LMO7: variants seen among roughly 807,000 people sequenced by gnomAD.
LMO7 encodes LIM domain 7.
Under a neutral mutation model 206.5 loss-of-function variants are expected in LMO7, and 120 were observed. The ratio of observed to expected loss-of-function variants is 0.58; its 90% CI spans 0.50 to 0.68. The LOEUF is 0.68. Ranked by LOEUF, LMO7 falls within the 30% of genes least tolerant of loss-of-function variation. The pLI, the probability that LMO7 is intolerant of heterozygous loss-of-function variation, is 0.00. For missense variants in LMO7, 1,959 were observed against 1,957.9 expected (o/e 1.00, Z -0.01); for synonymous variants, 706 against 681.5 (o/e 1.04, Z -0.56).
At position 75,800,841 on chromosome 13, in the gene LMO7, C is replaced by T; in HGVS notation, c.620C>T (p.Thr207Ile). The T allele has an allele frequency of 6.2e-7, 1 of 1,613,922 alleles. No individual in the cohort carries two copies. Among genetic ancestry groups the T allele is most frequent in the East Asian group, 2.2e-5 (1 of 44,868 alleles). Reference protein sequence around the residue: ...SLDSLGSRSLTSCSSDITLRG... With the variant: ...SLDSLGSRSLISCSSDITLRG... ...GACTCTTTGGGCTCGAGGTCATTGA[C>T]AAGCTGCTCCTCTGATATCACGTTG... The change falls in exon 7 of 31, where the codon ACA (threonine) becomes ATA (isoleucine). Residue 207 changes from threonine to isoleucine, a missense_variant. Coordinates refer to ENST00000377534, the MANE Select transcript of LMO7 (RefSeq NM_001306080.2).
chr13:75,751,761 A>G (rs771061852), intron 3 of LMO7, among the ~76,000 whole-genome samples: 7 of 152,132 alleles, frequency 4.6e-5, no homozygotes, highest in Non-Finnish European at 7.4e-5. Flanking sequence ...TTTGCTTATA[A>G]TGACAGCTCT....
intron 1 of LMO7, among the ~76,000 whole-genome samples, chr13:75,678,255 A>G (rs957577615): frequency 2.0e-5 from 3 of 152,332 alleles, no homozygotes; most frequent in Middle Eastern, 3.4e-3. Flanking sequence ...TTACAGTCCC[A>G]CCACCAGTGT....
chr13:75,775,900 T>A (rs1366754542), intron 4 of LMO7, among the ~76,000 whole-genome samples: 1 of 151,348 alleles, frequency 6.6e-6, no homozygotes, highest in Non-Finnish European at 1.5e-5. Context: ...TGGAAAACAG[T>A]GTGGAGATTT....
intron 3 of LMO7, among the ~76,000 whole-genome samples, chr13:75,737,771 A>AAAAAG (rs2045992592): frequency 1.4e-4 from 4 of 28,970 alleles, no homozygotes; most frequent in Admixed American, 4.5e-4. Flanking sequence ...AAAAAATAAA[A>AAAAAG]TAAAATAAAA....
chr13:75,705,439 A>T (rs1448253375), intron 1 of LMO7, among the ~76,000 whole-genome samples: 1 of 152,188 alleles, frequency 6.6e-6, no homozygotes, highest in Non-Finnish European at 1.5e-5. Context: ...ATTTTATTTA[A>T]CTGCCTTAGG....
At chr13:75,802,117 A>C (rs1254349506) in intron 7 of LMO7, among the ~76,000 whole-genome samples, 1 of 152,242 alleles carries the variant, frequency 6.6e-6, no homozygotes, top group Non-Finnish European at 1.5e-5. Flanking sequence ...CTGATGTGAA[A>C]CTTATATAAA....
chr13:75,811,214 T>C (rs539065869), intron 11 of LMO7, among the ~76,000 whole-genome samples: 3 of 150,206 alleles, frequency 2.0e-5, no homozygotes, highest in African/African-American at 7.3e-5. Flanking sequence ...TTCTCTTTTT[T>C]TTTTTTTTTT....
chr13:75,645,006 A>G (rs901983822), intron 1 of LMO7, among the ~76,000 whole-genome samples: 1 of 152,246 alleles, frequency 6.6e-6, no homozygotes, highest in Non-Finnish European at 1.5e-5. Context: ...TTAATGTTCA[A>G]TAAACCATTT....
intron 24 of LMO7, 64 bp from the exon 25 acceptor site, chr13:75,842,787 C>G: frequency 9.9e-7 from 1 of 1,006,076 alleles, no homozygotes; most frequent in Non-Finnish European, 1.6e-6. Flanking sequence ...ATACCCTTTT[C>G]TTAAACTCAG....
At chr13:75,658,163 C>G (rs1210241282) in intron 1 of LMO7, among the ~76,000 whole-genome samples, 2 of 152,066 alleles carry the variant, frequency 1.3e-5, no homozygotes, top group Admixed American at 6.5e-5. Flanking sequence ...CTTATACACA[C>G]TCATCTCTTT....
intron 13 of LMO7, 132 bp from the exon 14 acceptor site, chr13:75,821,045 G>T: frequency 1.5e-6 from 1 of 647,914 alleles, no homozygotes. Context: ...TGCTCTGTAA[G>T]TGTTGTATTG....
intron 3 of LMO7, among the ~76,000 whole-genome samples, chr13:75,748,002 T>A (rs1244239730): frequency 6.6e-6 from 1 of 152,144 alleles, no homozygotes; most frequent in Non-Finnish European, 1.5e-5. Context: ...TATTTACCTA[T>A]ATCTTGTAGT....
Position 75,805,502 on chromosome 13 carries a change from C to T in LMO7, c.938C>T (p.Thr313Ile), listed in dbSNP as rs761303993. The change falls in exon 9 of 31, where the codon ACC becomes ATC. Residue 313 changes from threonine to isoleucine, a missense_variant. Transcript: ENST00000377534. ...AGTAATCAGAGGAGGATTTGGGGCA[C>T]CAATGTGGAGAACTGGCCAACTGTA... ...FSSNQRRIWG[T>I]NVENWPTVQG... 3 of 1,613,756 alleles carry T rather than the reference C, an allele frequency of 1.9e-6. No homozygotes were observed. Among genetic ancestry groups the T allele is most frequent in the African/African-American group, 1.3e-5 (1 of 74,894 alleles).
intron 3 of LMO7, among the ~76,000 whole-genome samples, chr13:75,735,873 A>G (rs921000390): frequency 1.4e-4 from 21 of 152,068 alleles, no homozygotes; most frequent in Middle Eastern, 3.4e-3. Context: ...GTAAGTTTCA[A>G]TAGTATTGAA....
At chr13:75,841,255 A>T in intron 23 of LMO7, 54 bp downstream of exon 23, 3 of 1,154,332 alleles carry the variant, frequency 2.6e-6, no homozygotes, top group South Asian at 1.3e-5. Context: ...TGTTGGTGAG[A>T]TTAGCTGAGA....
chr13:75,798,823 G>A (rs1259928001), intron 6 of LMO7, among the ~76,000 whole-genome samples: 3 of 152,186 alleles, frequency 2.0e-5, no homozygotes, highest in East Asian at 1.9e-4. Flanking sequence ...CTCCTTAAAA[G>A]CCAGGCACCA....
At position 75,847,029 on chromosome 13, in the gene LMO7, CAA is replaced by C. The variant is rs34127474; in HGVS notation, c.4150+1667_4150+1668del. ...CTGGGTGACGGAGCAGACTCTGTCT[CAA>C]AAAAAAAAAAAAAAAAGGCAACATT... On this transcript the variant is annotated intron_variant, in intron 26 of 30. Transcript: ENST00000377534. Among the ~76,000 whole-genome samples, 835 of 112,420 alleles carry C rather than the reference CAA, an allele frequency of 7.4e-3. 2 individuals are homozygous for C. Among genetic ancestry groups the C allele is most frequent in the Non-Finnish European group, 0.011 (608 of 54,504 alleles). The allele number at this position is 112,420 out of a possible 152,430, so 73.8% of individuals were successfully genotyped here. A position where few individuals can be genotyped will look rare whatever the true frequency, so the allele number is the denominator to read the frequency against.
intron 1 of LMO7, chr13:75,688,560 T>A (rs1368007038): frequency 1.3e-5 from 2 of 152,384 alleles, no homozygotes; most frequent in African/African-American, 4.8e-5. Context: ...GATATATATA[T>A]CCCATGTTGT....
At chr13:75,659,401 A>G (rs180739265) in intron 1 of LMO7, among the ~76,000 whole-genome samples, 23 of 152,338 alleles carry the variant, frequency 1.5e-4, no homozygotes, top group African/African-American at 5.1e-4. Context: ...GCTGATAAAA[A>G]CATACCCGAG....
Sources: gnomAD v4.1 joint callset for allele counts (sites outside exome capture counted in the v4.1 genomes callset) on GRCh38, gnomAD v4.1.1 for gene constraint, MANE v1.5 for transcripts, NCBI Gene and HGNC (gene_info 2026-07-23, HGNC 2026-07-21) for gene names.